The following GABRB2 variants were observed in gnomAD, a reference collection of about 807,000 sequenced individuals.
GABRB2 encodes gamma-aminobutyric acid receptor subunit beta-2.
In GABRB2, 16 loss-of-function variants were observed where a neutral mutation model predicts 54.7. That is an observed-to-expected ratio of 0.29 (90% confidence interval 0.20 to 0.44). The LOEUF (loss-of-function observed/expected upper bound fraction) is 0.44. GABRB2 is among the 20% of genes least tolerant of loss of function. GABRB2 has a pLI of 1.00. For synonymous variants in GABRB2, 244 were observed against 233.8 expected (o/e 1.04, Z -0.40); for missense variants, 355 against 644.0 (o/e 0.55, Z 4.86).
chr5:161,411,459 C>T (rs1756514453), intron 4 of GABRB2, among the ~76,000 whole-genome samples: 1 of 152,154 alleles, frequency 6.6e-6, no homozygotes, highest in African/African-American at 2.4e-5. Flanking sequence ...TCCTCAAGAT[C>T]AGAAACATGT....
Position 161,294,551 on chromosome 5 carries a change from G to A in GABRB2, c.1192-123C>T, listed in dbSNP as rs183850837. On this transcript the variant is annotated intron_variant, in intron 9 of 9. Transcript: ENST00000393959. ...GAGTGGTAAAGAGAGCTACCTTTGCGATTACATTACCAAAGTCTGAATTGA... is the reference window on the plus strand; with the variant it reads ...GAGTGGTAAAGAGAGCTACCTTTGCAATTACATTACCAAAGTCTGAATTGA... 3,469 of 735,654 alleles carry A rather than the reference G, an allele frequency of 4.7e-3. 42 individuals are homozygous for A. The highest frequency in any genetic ancestry group is 0.025 in the South Asian group (1,315 of 51,876). The allele number at this position is 735,654 out of a possible 1,614,324, so 45.6% of individuals were successfully genotyped here. A position where few individuals can be genotyped will look rare whatever the true frequency, so the allele number is the denominator to read the frequency against.
intron 9 of GABRB2, among the ~76,000 whole-genome samples, chr5:161,297,112 A>G (rs1209732186): frequency 6.6e-6 from 1 of 151,210 alleles, no homozygotes; most frequent in Admixed American, 6.6e-5. Flanking sequence ...TGAAATTTCT[A>G]TAGGTAAAAA....
At chr5:161,499,541 G>T (rs973076914) in intron 3 of GABRB2, among the ~76,000 whole-genome samples, 1 of 152,128 alleles carries the variant, frequency 6.6e-6, no homozygotes, top group Non-Finnish European at 1.5e-5. Flanking sequence ...ATCTCCAAAT[G>T]ATGGAATTTC....
At chr5:161,526,402 C>A (rs1233565911) in intron 3 of GABRB2, among the ~76,000 whole-genome samples, 2 of 151,338 alleles carry the variant, frequency 1.3e-5, no homozygotes, top group African/African-American at 4.8e-5. Context: ...GTGTATGAGG[C>A]ACTATCACAC....
intron 9 of GABRB2, among the ~76,000 whole-genome samples, chr5:161,309,956 T>A (rs1181126800): frequency 2.0e-5 from 3 of 152,100 alleles, no homozygotes; most frequent in Non-Finnish European, 4.4e-5. Flanking sequence ...AAGTGGTACA[T>A]ATATACTCTG....
intron 8 of GABRB2, chr5:161,329,707 G>T (rs1157648023): frequency 6.6e-6 from 1 of 152,120 alleles, no homozygotes; most frequent in African/African-American, 2.4e-5. Flanking sequence ...AATTCCAAAT[G>T]GTTTAAGAGG....
At chr5:161,416,041 C>T (rs1311188236) in intron 4 of GABRB2, among the ~76,000 whole-genome samples, 2 of 152,130 alleles carry the variant, frequency 1.3e-5, no homozygotes, top group South Asian at 4.1e-4. Context: ...CAGGTTCAAG[C>T]AATCCTCCTA....
At chr5:161,501,123 G>C (rs1203015860) in intron 3 of GABRB2, among the ~76,000 whole-genome samples, 1 of 151,926 alleles carries the variant, frequency 6.6e-6, no homozygotes, top group Non-Finnish European at 1.5e-5. Flanking sequence ...ATCTGAAAAG[G>C]TCCTGAATAA....
At chr5:161,540,024 G>A (rs577459558) in intron 3 of GABRB2, among the ~76,000 whole-genome samples, 37 of 152,286 alleles carry the variant, frequency 2.4e-4, no homozygotes, top group Non-Finnish European at 4.6e-4. Flanking sequence ...CTAAACGCTG[G>A]CGTGGCTGAG....
At chr5:161,322,670 G>A (rs1289535571) in intron 9 of GABRB2, among the ~76,000 whole-genome samples, 1 of 151,998 alleles carries the variant, frequency 6.6e-6, no homozygotes, top group Non-Finnish European at 1.5e-5. Flanking sequence ...TACCTGTTCT[G>A]TATATTTATT....
chr5:161,298,869 T>C (rs1397056524), intron 9 of GABRB2, among the ~76,000 whole-genome samples: 1 of 152,214 alleles, frequency 6.6e-6, no homozygotes, highest in Non-Finnish European at 1.5e-5. Context: ...TGATCTCATG[T>C]GTGGAAAATA....
chr5:161,526,363 A>C (rs1760280738), intron 3 of GABRB2, among the ~76,000 whole-genome samples: 1 of 151,350 alleles, frequency 6.6e-6, no homozygotes, highest in Non-Finnish European at 1.5e-5. Context: ...TTTAGTATTG[A>C]ATGGAGACAA....
chr5:161,350,136 T>C (rs1300357034), intron 5 of GABRB2, among the ~76,000 whole-genome samples: 1 of 152,100 alleles, frequency 6.6e-6, no homozygotes, highest in African/African-American at 2.4e-5. Context: ...AAGCTTTTAC[T>C]CTAGATCAGG....
chr5:161,537,989 T>C (rs1760695773), intron 3 of GABRB2, among the ~76,000 whole-genome samples: 1 of 151,988 alleles, frequency 6.6e-6, no homozygotes, highest in South Asian at 2.1e-4. Context: ...CTTCTTCACC[T>C]GACTCGTTTC....
At chr5:161,310,842 A>G (rs1052930220) in intron 9 of GABRB2, among the ~76,000 whole-genome samples, 2 of 149,610 alleles carry the variant, frequency 1.3e-5, no homozygotes, top group Non-Finnish European at 2.9e-5. Context: ...GGCTCACTGC[A>G]AGCTCCACCT....
intron 5 of GABRB2, among the ~76,000 whole-genome samples, chr5:161,363,732 A>C (rs1450333405): frequency 1.3e-5 from 2 of 152,046 alleles, no homozygotes; most frequent in East Asian, 3.9e-4. Flanking sequence ...TAGGGTTAGA[A>C]AGCAATCATT....
chr5:161,513,418 G>GTA (rs34088468), intron 3 of GABRB2, among the ~76,000 whole-genome samples: 2,374 of 152,022 alleles, frequency 0.016, 28 homozygotes, highest in East Asian at 0.024. Flanking sequence ...AGAAAATGTG[G>GTA]TATATATATA....
chr5:161,402,517 C>G (rs1311605107), intron 5 of GABRB2, among the ~76,000 whole-genome samples: 1 of 151,922 alleles, frequency 6.6e-6, no homozygotes, highest in Non-Finnish European at 1.5e-5. Flanking sequence ...ATCATTCAGC[C>G]AAAAATGTTG....
chr5:161,539,845 A>C (rs1244022343), intron 3 of GABRB2, among the ~76,000 whole-genome samples: 1 of 152,228 alleles, frequency 6.6e-6, no homozygotes, highest in African/African-American at 2.4e-5. Flanking sequence ...ACTGTATCTA[A>C]TAAGTGTGAA....
Sources: allele counts gnomAD v4.1 joint callset (sites outside exome capture counted in the v4.1 genomes callset), GRCh38; gene constraint gnomAD v4.1.1; transcripts MANE v1.5; gene names NCBI Gene and HGNC (gene_info 2026-07-23, HGNC 2026-07-21).